Variants in DOCK3 observed in about 807,000 individuals in gnomAD.
DOCK3 encodes dedicator of cytokinesis protein 3.
A neutral mutation model predicts 265.6 loss-of-function variants in DOCK3; 60 were observed. The observed-to-expected ratio is 0.23, with a 90% CI of 0.18 to 0.28. The LOEUF (loss-of-function observed/expected upper bound fraction) is 0.28, where lower values mean the gene tolerates loss of function less well. DOCK3 is among the 10% of genes least tolerant of loss of function. The probability of loss-of-function intolerance (pLI) is 1.00; values close to 1 mark genes in which losing one functional copy is unlikely to be tolerated. For synonymous variants in DOCK3, 881 were observed against 938.0 expected (o/e 0.94, Z 1.11); for missense variants, 1,981 against 2,594.3 (o/e 0.76, Z 5.14).
At chr3:51,137,786 T>C (rs2084872748) in intron 9 of DOCK3, among the ~76,000 whole-genome samples, 3 of 152,338 alleles carry the variant, frequency 2.0e-5, no homozygotes, top group Admixed American at 6.5e-5. Context: ...TCTTGTAATA[T>C]TGCTTACTGA....
At chr3:50,862,547 C>T (rs764207492) in intron 3 of DOCK3, among the ~76,000 whole-genome samples, 1 of 152,170 alleles carries the variant, frequency 6.6e-6, no homozygotes, top group African/African-American at 2.4e-5. Context: ...AGTGCATCAG[C>T]TCCTTGTCAT....
intron 2 of DOCK3, among the ~76,000 whole-genome samples, chr3:50,832,439 G>A (rs1378495233): frequency 4.6e-5 from 7 of 152,170 alleles, no homozygotes; most frequent in Non-Finnish European, 1.5e-5. Context: ...TGCAGAATAG[G>A]AGAAAATTTT....
rs749643843 is a variant in DOCK3, at chr3:50,849,393, CACACACACACAT to C, written c.162+7692_162+7703del. ...ACACGCACACATACACATATATACA[CACACACACACAT>C]ACACACACACATATATATATGGCAG... On this transcript the variant is annotated intron_variant, in intron 3 of 52. Coordinates refer to ENST00000266037, the MANE Select transcript of DOCK3 (RefSeq NM_004947.5). Among the ~76,000 whole-genome samples the C allele has an allele frequency of 2.6e-4, 39 of 151,924 alleles. No individual in the cohort carries two copies. In the East Asian group the frequency reaches 3.3e-3, roughly 13 times the overall value.
At chr3:51,129,294 C>G (rs183799588) in intron 9 of DOCK3, among the ~76,000 whole-genome samples, 4 of 152,194 alleles carry the variant, frequency 2.6e-5, no homozygotes, top group Admixed American at 2.6e-4. Flanking sequence ...TGTCCACTTT[C>G]GGGTGGTGCC....
At chr3:50,812,116 C>A (rs1179550639) in intron 2 of DOCK3, among the ~76,000 whole-genome samples, 3 of 152,184 alleles carry the variant, frequency 2.0e-5, no homozygotes, top group African/African-American at 7.2e-5. Context: ...TCTATAGGAG[C>A]AACCTGTTGG....
chr3:51,013,788 C>A (rs1292712614), intron 5 of DOCK3, among the ~76,000 whole-genome samples: 2 of 152,216 alleles, frequency 1.3e-5, no homozygotes, highest in African/African-American at 2.4e-5. Context: ...GTGGAATCTA[C>A]AGAGACAGTC....
intron 5 of DOCK3, among the ~76,000 whole-genome samples, chr3:50,989,567 G>A (rs1295326253): frequency 1.3e-5 from 2 of 152,110 alleles, no homozygotes; most frequent in African/African-American, 4.8e-5. Flanking sequence ...ACCCACCTTT[G>A]AAACCAGAAA....
intron 32 of DOCK3, among the ~76,000 whole-genome samples, chr3:51,327,868 G>A (rs1374758759): frequency 6.6e-6 from 1 of 152,004 alleles, no homozygotes; most frequent in Non-Finnish European, 1.5e-5. Flanking sequence ...TTTTAGTAGA[G>A]ATGGAGTTTC....
intron 7 of DOCK3, among the ~76,000 whole-genome samples, chr3:51,080,644 A>C (rs1313429736): frequency 2.0e-5 from 3 of 152,194 alleles, no homozygotes; most frequent in African/African-American, 4.8e-5. Context: ...AAAATTACTT[A>C]TTATTGTCAA....
intron 27 of DOCK3, among the ~76,000 whole-genome samples, chr3:51,292,732 C>T (rs1026925839): frequency 2.0e-5 from 3 of 152,162 alleles, no homozygotes; most frequent in Admixed American, 6.6e-5. Flanking sequence ...GACTGGAGTG[C>T]AGTAGCACAA....
intron 49 of DOCK3, among the ~76,000 whole-genome samples, chr3:51,370,892 C>G (rs1246279264): frequency 6.6e-6 from 1 of 152,192 alleles, no homozygotes; most frequent in Non-Finnish European, 1.5e-5. Context: ...ACATGGCTGG[C>G]AATTGATGCT....
At chr3:51,056,177 G>A (rs1247363991) in intron 5 of DOCK3, among the ~76,000 whole-genome samples, 1 of 152,184 alleles carries the variant, frequency 6.6e-6, no homozygotes, top group Non-Finnish European at 1.5e-5. Flanking sequence ...CTCAGTTGCT[G>A]ACTATGTTGT....
At position 51,206,527 on chromosome 3, in the gene DOCK3, G is replaced by A. The variant is rs1051203476; in HGVS notation, c.1038-2247G>A. Among the ~76,000 whole-genome samples, 46 of 151,972 alleles carry A rather than the reference G, an allele frequency of 3.0e-4. 1 individual carries two copies. The highest frequency in any genetic ancestry group is 2.1e-4 in the Non-Finnish European group (14 of 67,990). ...GAGAATAATAGAGCAAGCTGGAAAGGATTCATAGAAAAGGCAATATTGAAC... is the reference window on the plus strand; with the variant it reads ...GAGAATAATAGAGCAAGCTGGAAAGAATTCATAGAAAAGGCAATATTGAAC... On this transcript the variant is annotated intron_variant, in intron 12 of 52. Transcript: ENST00000266037.
At chr3:51,211,049 A>C (rs181361523) in intron 13 of DOCK3, among the ~76,000 whole-genome samples, 2 of 152,342 alleles carry the variant, frequency 1.3e-5, no homozygotes, top group Admixed American at 1.3e-4. Context: ...CAGTTGACAC[A>C]CAAGTTTTCT....
intron 46 of DOCK3, among the ~76,000 whole-genome samples, 197 bp downstream of exon 46, chr3:51,358,274 TCCCA>T (rs897833063): frequency 7.9e-5 from 12 of 152,198 alleles, no homozygotes; most frequent in African/African-American, 2.6e-4. Context: ...CTGAGGATCC[TCCCA>T]CTCACTCACT....
chr3:51,101,138 G>A (rs1560063170), intron 9 of DOCK3, among the ~76,000 whole-genome samples: 1 of 141,778 alleles, frequency 7.1e-6, no homozygotes, highest in South Asian at 2.3e-4. Context: ...TTTTGAGACG[G>A]AGTCTCACTC....
At chr3:51,316,785 G>T (rs1208846080) in intron 32 of DOCK3, among the ~76,000 whole-genome samples, 1 of 152,058 alleles carries the variant, frequency 6.6e-6, no homozygotes, top group African/African-American at 2.4e-5. Flanking sequence ...CAAAGCTTTT[G>T]TTCATTTTCA....
chr3:51,044,906 C>T (rs561536772), intron 5 of DOCK3, among the ~76,000 whole-genome samples: 44 of 152,294 alleles, frequency 2.9e-4, no homozygotes, highest in Admixed American at 1.8e-3. Flanking sequence ...CTAGATTTGG[C>T]TTTGGCATAA....
At chr3:51,249,982 C>A (rs969108434) in intron 22 of DOCK3, among the ~76,000 whole-genome samples, 6 of 151,668 alleles carry the variant, frequency 4.0e-5, no homozygotes, top group Non-Finnish European at 7.4e-5. Flanking sequence ...TACCCCCAAC[C>A]CTGTGCTCTC....
Sources: gnomAD v4.1 joint callset for allele counts (sites outside exome capture counted in the v4.1 genomes callset) on GRCh38, gnomAD v4.1.1 for gene constraint, MANE v1.5 for transcripts, NCBI Gene and HGNC (gene_info 2026-07-23, HGNC 2026-07-21) for gene names.